ANO1: variants seen among roughly 807,000 people sequenced by gnomAD.
ANO1 encodes anoctamin 1.
A neutral mutation model predicts 124.0 loss-of-function variants in ANO1; 59 were observed. That is an observed-to-expected ratio of 0.48 (90% CI 0.39 to 0.59). The LOEUF is 0.59. ANO1 is among the 20% of genes least tolerant of loss of function. The pLI is 0.00. For missense variants in ANO1, 1,059 were observed against 1,328.0 expected, an observed-to-expected ratio of 0.80 and a Z score of 3.15; for synonymous variants, 529 against 532.0, an observed-to-expected ratio of 0.99 and a Z score of 0.08.
At chr11:70,060,064 C>T (rs1212719804) in intron 1 of ANO1, among the ~76,000 whole-genome samples, 1 of 148,560 alleles carries the variant, frequency 6.7e-6, no homozygotes, top group Non-Finnish European at 1.5e-5. Flanking sequence ...GCCTTGGCGG[C>T]AGGAGAGCAG....
chr11:70,067,664 C>T (rs781826355), intron 1 of ANO1, among the ~76,000 whole-genome samples: 4 of 152,162 alleles, frequency 2.6e-5, no homozygotes, highest in African/African-American at 4.8e-5. Flanking sequence ...CCCCAGTGCC[C>T]GGCAACCTTG....
chr11:70,079,586 A>G (rs1188534374), intron 1 of ANO1, among the ~76,000 whole-genome samples: 3 of 152,112 alleles, frequency 2.0e-5, no homozygotes, highest in Non-Finnish European at 4.4e-5. Flanking sequence ...GGGACTGGCT[A>G]TCTCCTCTTG....
At chr11:70,079,230 G>A (rs1048124005) in intron 1 of ANO1, among the ~76,000 whole-genome samples, 1 of 152,166 alleles carries the variant, frequency 6.6e-6, no homozygotes, top group Admixed American at 6.5e-5. Context: ...AGAGTCCCGA[G>A]TCCTCACTTG....
intron 1 of ANO1, among the ~76,000 whole-genome samples, chr11:70,038,226 G>A (rs1486629679): frequency 6.6e-6 from 1 of 152,192 alleles, no homozygotes; most frequent in Non-Finnish European, 1.5e-5. Context: ...CATAGTGCAT[G>A]CCATTCCTTA....
At chr11:70,002,180 G>A (rs1856394301) in intron 1 of ANO1, among the ~76,000 whole-genome samples, 1 of 151,740 alleles carries the variant, frequency 6.6e-6, no homozygotes, top group Admixed American at 6.6e-5. Flanking sequence ...GCTGAGCGCA[G>A]TGGCTCACAC....
In ANO1 at chr11:70,087,825, A is replaced by G. The variant is rs2044445933; in HGVS notation, c.182A>G (p.Lys61Arg). ...CTGTACTTCAGGGACGGCCGGCGCA[A>G]GGTGGACTACATCCTGGTGTACCAT... The part of the protein sequence containing the change: ...YGLYFRDGRR[K>R]VDYILVYHHK... Residue 61 changes from lysine (K) to arginine (R), a missense_variant, in exon 2 of 26, where the codon AAG becomes AGG. By Grantham distance (26) the Lys-to-Arg change is conservative. Coordinates refer to ENST00000355303, the MANE Select transcript of ANO1 (RefSeq NM_018043.7). The G allele has an allele frequency of 6.2e-7, 1 of 1,612,970 alleles. No homozygotes were observed. The highest frequency in any genetic ancestry group is 8.5e-7 in the Non-Finnish European group (1 of 1,179,754).
chr11:70,141,167 T>C (rs2047140575), intron 11 of ANO1, among the ~76,000 whole-genome samples: 1 of 152,168 alleles, frequency 6.6e-6, no homozygotes, highest in African/African-American at 2.4e-5. Flanking sequence ...GAATGTACCG[T>C]AAGCCAGTAG....
rs183492015 is a variant in ANO1, at chr11:69,990,098, C to T, written c.58+3932C>T. ...CTATCTATTTTCAAAACTTTTTCAT[C>T]ACCCCAAGTAGGAATTCTGTATCCA... On this transcript the variant is annotated intron_variant, in intron 1 of 27. Coordinates refer to the ANO1 transcript ENST00000531349. Among the ~76,000 whole-genome samples the T allele has an allele frequency of 2.9e-3, 439 of 152,266 alleles. 2 individuals carry two copies. The highest frequency in any genetic ancestry group is 0.01 in the African/African-American group (426 of 41,548).
intron 1 of ANO1, among the ~76,000 whole-genome samples, chr11:70,018,739 G>A (rs1409566707): frequency 1.3e-5 from 2 of 152,206 alleles, no homozygotes; most frequent in Admixed American, 6.5e-5. Flanking sequence ...CCAAGGCAAC[G>A]GAAAGACTGA....
chr11:70,047,245 A>T (rs1857275771), intron 1 of ANO1, among the ~76,000 whole-genome samples: 1 of 152,140 alleles, frequency 6.6e-6, no homozygotes, highest in South Asian at 2.1e-4. Context: ...CAAATACATC[A>T]TCCTAATGTA....
At chr11:70,085,600 G>A in intron 1 of ANO1, 2 of 1,535,624 alleles carry the variant, frequency 1.3e-6, no homozygotes, top group South Asian at 1.2e-5. Context: ...AAGGTGCCAG[G>A]GACATGGCCC....
intron 2 of ANO1, among the ~76,000 whole-genome samples, chr11:70,090,488 G>A (rs1396816089): frequency 6.6e-6 from 1 of 152,200 alleles, no homozygotes; most frequent in Non-Finnish European, 1.5e-5. Context: ...AATGGAGATA[G>A]CAAGAGTATT....
chr11:70,105,448 C>T (rs2135371550), intron 4 of ANO1, among the ~76,000 whole-genome samples: 1 of 140,602 alleles, frequency 7.1e-6, no homozygotes, highest in East Asian at 2.5e-4. Context: ...CAGGGATCTT[C>T]TGGGGGGCTG....
At chr11:70,171,371 G>A (rs968798617) in intron 22 of ANO1, among the ~76,000 whole-genome samples, 1 of 127,064 alleles carries the variant, frequency 7.9e-6, no homozygotes, top group East Asian at 2.8e-4. Flanking sequence ...ACACCCACCT[G>A]TAGCAATTGT....
intron 1 of ANO1, among the ~76,000 whole-genome samples, chr11:69,992,077 T>TCTAGCC (rs1303643922): frequency 6.6e-6 from 1 of 152,236 alleles, no homozygotes; most frequent in Non-Finnish European, 1.5e-5. Context: ...CGTTCATTTC[T>TCTAGCC]CTAGCCCTAG....
chr11:70,030,548 G>A (rs782433577), intron 1 of ANO1, among the ~76,000 whole-genome samples: 2 of 152,170 alleles, frequency 1.3e-5, no homozygotes, highest in Admixed American at 6.5e-5. Flanking sequence ...CGTCCCTGCC[G>A]CTTCCAGATT....
At chr11:69,994,986 A>C (rs998150472) in intron 1 of ANO1, among the ~76,000 whole-genome samples, 3 of 152,180 alleles carry the variant, frequency 2.0e-5, no homozygotes, top group Non-Finnish European at 2.9e-5. Context: ...GAATTATTGC[A>C]AAGATAGTAC....
chr11:70,007,073 C>T (rs996071792), intron 1 of ANO1, among the ~76,000 whole-genome samples: 10 of 151,932 alleles, frequency 6.6e-5, no homozygotes, highest in African/African-American at 2.2e-4. Flanking sequence ...AACTCTGTAC[C>T]CATTGAACAG....
intron 24 of ANO1, 105 bp downstream of exon 24, chr11:70,182,791 A>C (rs1203280533): frequency 4.7e-6 from 5 of 1,055,942 alleles, no homozygotes; most frequent in Non-Finnish European, 6.4e-6. Context: ...GAAACAACGC[A>C]AACTTGCTTA....
Sources: allele counts gnomAD v4.1 joint callset (sites outside exome capture counted in the v4.1 genomes callset), GRCh38; gene constraint gnomAD v4.1.1; transcripts MANE v1.5; gene names NCBI Gene and HGNC (gene_info 2026-07-23, HGNC 2026-07-21).